SHANK2: variants seen among roughly 807,000 people sequenced by gnomAD.
SHANK2 encodes the protein SH3 and multiple ankyrin repeat domains protein 2.
SHANK2 carries 43 observed loss-of-function variants against 133.7 expected under a neutral mutation model. The observed-to-expected ratio is 0.32, with a 90% CI of 0.25 to 0.41. The LOEUF (loss-of-function observed/expected upper bound fraction) is 0.41. Among genes scored for constraint, SHANK2 ranks in the 10% least tolerant of loss-of-function variants. The pLI is 1.00. For synonymous variants in SHANK2, 1,017 were observed against 952.8 expected, an observed-to-expected ratio of 1.07 and a Z score of -1.24; for missense variants, 1,994 against 2,235.8, an observed-to-expected ratio of 0.89 and a Z score of 2.18.
intron 12 of SHANK2, among the ~76,000 whole-genome samples, chr11:70,818,176 CCA>C (rs142933707): frequency 6.6e-6 from 1 of 151,818 alleles, no homozygotes; most frequent in Admixed American, 6.6e-5. Context: ...ACCATGATGA[CCA>C]CACACACACA....
intron 17 of SHANK2, among the ~76,000 whole-genome samples, chr11:70,588,488 A>T (rs1188467955): frequency 2.0e-5 from 3 of 152,380 alleles, no homozygotes; most frequent in Non-Finnish European, 4.4e-5. Flanking sequence ...AAACTGGAAC[A>T]ACCATATCAC....
At chr11:70,596,209 G>A (rs1000117880) in intron 17 of SHANK2, among the ~76,000 whole-genome samples, 1 of 152,156 alleles carries the variant, frequency 6.6e-6, no homozygotes, top group Non-Finnish European at 1.5e-5. Context: ...CCCCTTCCCC[G>A]CCTGCTCTGT....
intron 14 of SHANK2, among the ~76,000 whole-genome samples, chr11:70,736,292 C>T (rs1020800101): frequency 7.2e-5 from 11 of 152,108 alleles, no homozygotes; most frequent in East Asian, 1.9e-4. Flanking sequence ...ACTGTGTGGG[C>T]GGGGTGAGTG....
At chr11:71,133,291 C>CGGCTGGCTGGCT (rs542164003) in intron 3 of SHANK2, among the ~76,000 whole-genome samples, 4 of 111,300 alleles carry the variant, frequency 3.6e-5, no homozygotes, top group African/African-American at 1.2e-4. Context: ...GCCGGCCGGA[C>CGGCTGGCTGGCT]GGCTGGCTGG....
intron 3 of SHANK2, among the ~76,000 whole-genome samples, chr11:71,121,484 G>A (rs2135278861): frequency 6.6e-6 from 1 of 152,344 alleles, no homozygotes; most frequent in East Asian, 1.9e-4. Context: ...CAGATGGACA[G>A]ATTGCAAAAA....
chr11:71,086,878 G>A (rs907566471), intron 8 of SHANK2, among the ~76,000 whole-genome samples: 1,758 of 152,282 alleles, frequency 0.012, 43 homozygotes, highest in African/African-American at 0.041. Context: ...ATGAGAGGAG[G>A]CTCGCGAAGG....
chr11:71,202,496 C>T (rs1954037509), intron 2 of SHANK2, among the ~76,000 whole-genome samples: 1 of 152,194 alleles, frequency 6.6e-6, no homozygotes, highest in African/African-American at 2.4e-5. Flanking sequence ...AGAGCTAGGA[C>T]CCAGGTCTTC....
chr11:70,495,842 A>G, intron 21 of SHANK2: 1 of 201,254 alleles, frequency 5.0e-6, no homozygotes, highest in South Asian at 5.7e-5. Context: ...CGCAGAATCC[A>G]GCCCACCTGA....
intron 17 of SHANK2, among the ~76,000 whole-genome samples, chr11:70,647,090 T>C (rs1320306928): frequency 1.3e-5 from 2 of 152,094 alleles, no homozygotes; most frequent in Admixed American, 1.3e-4. Flanking sequence ...GGTCTTGAAC[T>C]CTTGACCTCA....
At chr11:70,926,939 G>C (rs1320813834) in intron 10 of SHANK2, among the ~76,000 whole-genome samples, 2 of 152,180 alleles carry the variant, frequency 1.3e-5, no homozygotes, top group Non-Finnish European at 2.9e-5. Context: ...GGAGGCATCT[G>C]ATCCTTACTT....
At chr11:71,139,040 G>A (rs1310611272) in intron 3 of SHANK2, among the ~76,000 whole-genome samples, 1 of 152,258 alleles carries the variant, frequency 6.6e-6, no homozygotes, top group East Asian at 1.9e-4. Flanking sequence ...AGGGGGTCAG[G>A]TTGGCAGTGC....
chr11:71,169,754 CAAAAAAA>C (rs35339054), intron 2 of SHANK2, among the ~76,000 whole-genome samples: 2 of 90,318 alleles, frequency 2.2e-5, no homozygotes, highest in African/African-American at 8.7e-5. Flanking sequence ...GACTCCATCT[CAAAAAAA>C]AAAAAAAAAA....
Position 71,056,108 on chromosome 11 carries a change from C to A in SHANK2, c.1107+373G>T, listed in dbSNP as rs1045224454. Among the ~76,000 whole-genome samples the A allele has an allele frequency of 1.8e-4, 27 of 152,164 alleles. 1 individual carries two copies. Among genetic ancestry groups the A allele is most frequent in the African/African-American group, 2.4e-5 (1 of 41,438 alleles). ...CATGGGGGTGCCAATGGAAGGCAAG[C>A]CCCCTCCTGTGTGATCCTCAGGAAG... On this transcript the variant is annotated intron_variant, in intron 10 of 25. Transcript: ENST00000601538.
chr11:71,229,990 A>G (rs1314652221), intron 1 of SHANK2, among the ~76,000 whole-genome samples: 3 of 152,174 alleles, frequency 2.0e-5, no homozygotes, highest in African/African-American at 4.8e-5. Context: ...ACACAATTCC[A>G]GTCAAAATCT....
At chr11:70,730,480 TC>T (rs1348575454) in intron 14 of SHANK2, among the ~76,000 whole-genome samples, 2 of 151,974 alleles carry the variant, frequency 1.3e-5, no homozygotes, top group Non-Finnish European at 2.9e-5. Flanking sequence ...CACCCGACTA[TC>T]CCAGACTCAA....
chr11:70,659,765 G>C, intron 17 of SHANK2, 63 bp downstream of exon 17: 3 of 1,607,220 alleles, frequency 1.9e-6, no homozygotes, highest in Non-Finnish European at 2.6e-6. Context: ...CCAGGACTAC[G>C]ACCCTCTCCC....
At chr11:70,794,278 G>GAAAA (rs35217416) in intron 14 of SHANK2, among the ~76,000 whole-genome samples, 2 of 134,906 alleles carry the variant, frequency 1.5e-5, no homozygotes, top group Admixed American at 7.4e-5. Flanking sequence ...CTCCGTCTCA[G>GAAAA]AAAAAAAAAA....
At position 71,252,105 on chromosome 11, in the gene SHANK2, A is replaced by C. The variant is rs920901805; in HGVS notation, c.-113+320T>G. 3.0e-4 allele frequency among the ~76,000 whole-genome samples: 45 copies of C among 152,158 alleles called. 1 individual carries two copies. The highest frequency in any genetic ancestry group is 8.8e-5 in the Non-Finnish European group (6 of 68,004). ...CAGAGACTACGTGGTCCATGCGCGC[A>C]GGAGATAAAGCGGGGGCTCCTTCCT... is the stretch of plus-strand genomic sequence containing the variant. On this transcript the variant is annotated intron_variant, in intron 1 of 25. Transcript: ENST00000601538. This position sits in a 1 kb window ranked among gnomAD's most constrained non-coding sequence, Gnocchi z 6.3.
intron 14 of SHANK2, among the ~76,000 whole-genome samples, chr11:70,781,334 G>A (rs1555045075): frequency 6.6e-6 from 1 of 151,206 alleles, no homozygotes; most frequent in Non-Finnish European, 1.5e-5. Flanking sequence ...TTGGAATCGG[G>A]GTCAGGATTA....
Sources: allele counts gnomAD v4.1 joint callset (sites outside exome capture counted in the v4.1 genomes callset), GRCh38; gene constraint gnomAD v4.1.1; non-coding constraint Gnocchi (gnomAD v3.1); transcripts MANE v1.5; gene names NCBI Gene and HGNC (gene_info 2026-07-23, HGNC 2026-07-21).